The following COL11A1 variants were observed in gnomAD, a reference collection of about 807,000 sequenced individuals.
COL11A1 encodes collagen type XI alpha 1 chain.
Under a neutral mutation model 265.2 loss-of-function variants are expected in COL11A1, and 74 were observed. The observed-to-expected ratio is 0.28, with a 90% CI of 0.23 to 0.34. The LOEUF (loss-of-function observed/expected upper bound fraction) is 0.34. COL11A1 is among the 10% of genes least tolerant of loss of function. The probability of loss-of-function intolerance (pLI) is 1.00; values close to 1 mark genes in which losing one functional copy is unlikely to be tolerated. For missense variants in COL11A1, 2,165 were observed against 2,263.6 expected, an observed-to-expected ratio of 0.96 and a Z score of 0.88; for synonymous variants, 816 against 727.6, an observed-to-expected ratio of 1.12 and a Z score of -1.96.
rs1458099910 is a variant in COL11A1 at position 102,876,598 on chromosome 1, G to A, written c.*1421C>T. The A allele has an allele frequency of 6.6e-6, 1 of 152,384 alleles. No homozygotes were observed. Among genetic ancestry groups the A allele is most frequent in the African/African-American group, 2.4e-5 (1 of 41,430 alleles). The allele number at this position is 152,384 out of a possible 1,614,324, so 9.4% of individuals were successfully genotyped here. ...TTCACTTTTTAATTTCAATATTACAGGTATGTTCTTTTGTCATAAATTATC... is the reference window on the plus strand; with the variant it reads ...TTCACTTTTTAATTTCAATATTACAAGTATGTTCTTTTGTCATAAATTATC... On this transcript the variant is annotated 3_prime_UTR_variant, in exon 67 of 67. Transcript: ENST00000370096.
chr1:103,009,522 T>C (rs1335791147), intron 14 of COL11A1, among the ~76,000 whole-genome samples: 1 of 152,196 alleles, frequency 6.6e-6, no homozygotes, highest in African/African-American at 2.4e-5. Flanking sequence ...AAACAAGTTG[T>C]GAGGTTTAAA....
At chr1:102,913,839 A>G in intron 52 of COL11A1, 149 bp from the exon 53 acceptor site, 1 of 786,416 alleles carries the variant, frequency 1.3e-6, no homozygotes, top group Non-Finnish European at 2.1e-6. Flanking sequence ...CCTTTTTTAA[A>G]AAGATTGTGG....
At chr1:102,883,081 A>G (rs1650456849) in intron 64 of COL11A1, 118 bp downstream of exon 64, 2 of 756,254 alleles carry the variant, frequency 2.6e-6, no homozygotes, top group African/African-American at 1.7e-5. Context: ...TACTCTAATT[A>G]TTTTGTAAGA....
rs2102281739 is a variant in COL11A1, at chr1:103,074,718, T to C, written c.551A>G (p.Lys184Arg). 1.2e-6 allele frequency: 2 copies of C among 1,613,448 alleles called. No homozygotes were observed. Among genetic ancestry groups the C allele is most frequent in the South Asian group, 2.2e-5 (2 of 91,070 alleles). The change falls in exon 4 of 67, where the codon AAG becomes AGG. Residue 184 changes from lysine to arginine, a missense_variant. By Grantham distance (26) the Lys-to-Arg change is conservative. Coordinates refer to ENST00000370096, the MANE Select transcript of COL11A1 (RefSeq NM_001854.4). ...TCTATCAAGTGGTTTCGTGGTTTTC[T>C]TCTTACAATCAACAATCATTGTCAC... ...KTVTMIVDCK[K>R]KTTKPLDRSE...
chr1:102,997,005 T>G, intron 26 of COL11A1, 75 bp downstream of exon 26: 11 of 1,188,254 alleles, frequency 9.3e-6, no homozygotes, highest in Non-Finnish European at 1.3e-5. Flanking sequence ...TTTATATATA[T>G]GAGATGACCA....
rs751128735 is a variant in COL11A1, at chr1:102,912,139, A to C, written c.4086+20T>G. On this transcript the variant is annotated intron_variant, in intron 54 of 66. Coordinates refer to ENST00000370096, the MANE Select transcript of COL11A1 (RefSeq NM_001854.4). ...TGACTAATGAGCATATGTTTCAAAT[A>C]AAGAATTAAAGAAACTTACTCGTTT... 3 of 1,598,250 alleles carry C rather than the reference A, an allele frequency of 1.9e-6. No individual in the cohort carries two copies. The African/African-American group carries it at 4.0e-5, about 21-fold the overall frequency.
intron 4 of COL11A1, among the ~76,000 whole-genome samples, chr1:103,045,825 G>C (rs1203019782): frequency 6.7e-6 from 1 of 148,648 alleles, no homozygotes; most frequent in Non-Finnish European, 1.5e-5. Context: ...GTGTCCATGT[G>C]TTCTTATTAT....
intron 54 of COL11A1, among the ~76,000 whole-genome samples, chr1:102,901,916 G>A (rs934031275): frequency 2.0e-5 from 3 of 152,020 alleles, no homozygotes; most frequent in Non-Finnish European, 4.4e-5. Flanking sequence ...AAATCCCTAA[G>A]AAATTCACAG....
Position 102,965,372 on chromosome 1 carries a change from T to C in COL11A1, c.2916+115A>G, listed in dbSNP as rs190894561. 127 of 1,075,744 alleles carry C rather than the reference T, an allele frequency of 1.2e-4. No homozygotes were observed. The East Asian group carries it at 3.0e-3, about 25-fold the overall frequency. The allele number at this position is 1,075,744 out of a possible 1,614,324, so 66.6% of individuals were successfully genotyped here. A position where few individuals can be genotyped will look rare whatever the true frequency, so the allele number is the denominator to read the frequency against. Reference sequence around the variant, plus strand: ...GCATATATTTAAATGCAATCTGAAATAAAAAATACATCATTTTGAATCATA... The same window carrying C: ...GCATATATTTAAATGCAATCTGAAACAAAAAATACATCATTTTGAATCATA... On this transcript the variant is annotated intron_variant, in intron 38 of 66. Coordinates refer to ENST00000370096, the MANE Select transcript of COL11A1 (RefSeq NM_001854.4).
At chr1:103,014,443 A>G in intron 13 of COL11A1, 68 bp downstream of exon 13, 2 of 1,240,110 alleles carry the variant, frequency 1.6e-6, no homozygotes, top group Non-Finnish European at 2.4e-6. Flanking sequence ...CATCTTCCGT[A>G]TGTACACACA....
At chr1:103,057,940 A>G (rs1670368450) in intron 4 of COL11A1, among the ~76,000 whole-genome samples, 1 of 152,180 alleles carries the variant, frequency 6.6e-6, no homozygotes, top group Admixed American at 6.6e-5. Flanking sequence ...AGCCAGCTGC[A>G]TTATCCCCTA....
chr1:103,044,459 T>C (rs762289028), intron 4 of COL11A1, among the ~76,000 whole-genome samples: 1 of 152,112 alleles, frequency 6.6e-6, no homozygotes, highest in Non-Finnish European at 1.5e-5. Context: ...TAATTCAACA[T>C]CTGCTTACCA....
At chr1:102,950,147 C>A (rs1024092103) in intron 41 of COL11A1, among the ~76,000 whole-genome samples, 2 of 151,998 alleles carry the variant, frequency 1.3e-5, no homozygotes, top group Non-Finnish European at 2.9e-5. Flanking sequence ...CAAAAATTAT[C>A]TGGGTGTAGT....
At chr1:102,896,977 G>A (rs1652509285) in intron 57 of COL11A1, among the ~76,000 whole-genome samples, 3 of 152,006 alleles carry the variant, frequency 2.0e-5, no homozygotes, top group African/African-American at 4.8e-5. Flanking sequence ...TGCTTCAACC[G>A]GGGCCCTTTT....
intron 54 of COL11A1, among the ~76,000 whole-genome samples, chr1:102,901,148 G>A (rs953019833): frequency 4.0e-5 from 6 of 151,784 alleles, no homozygotes; most frequent in Non-Finnish European, 8.8e-5. Context: ...AGTGAAACCC[G>A]TCTCTACTAA....
intron 4 of COL11A1, among the ~76,000 whole-genome samples, chr1:103,041,955 A>G (rs1443070056): frequency 2.0e-5 from 3 of 152,036 alleles, no homozygotes; most frequent in Admixed American, 6.6e-5. Flanking sequence ...AGGAAAAGCT[A>G]TATTTTGTTC....
chr1:103,024,649 A>C (rs552307616), intron 7 of COL11A1, among the ~76,000 whole-genome samples: 5 of 151,546 alleles, frequency 3.3e-5, no homozygotes, highest in Admixed American at 3.3e-4. Context: ...GGACATCTTG[A>C]ATCAAAATAC....
chr1:102,935,714 C>T (rs529282654), intron 44 of COL11A1, among the ~76,000 whole-genome samples: 125 of 152,168 alleles, frequency 8.2e-4, no homozygotes, highest in Middle Eastern at 3.4e-3. Flanking sequence ...ACATTAGTAA[C>T]GGGTCAGGCA....
intron 41 of COL11A1, 47 bp downstream of exon 41, chr1:102,961,819 T>C: frequency 6.5e-7 from 1 of 1,534,388 alleles, no homozygotes; most frequent in Non-Finnish European, 9.0e-7. Flanking sequence ...AGAAGAGCTG[T>C]AATTCACAAC....
Sources: allele counts gnomAD v4.1 joint callset (sites outside exome capture counted in the v4.1 genomes callset), GRCh38; gene constraint gnomAD v4.1.1; transcripts MANE v1.5; gene names NCBI Gene and HGNC (gene_info 2026-07-23, HGNC 2026-07-21).